Variants in XKR4 observed in about 807,000 individuals in gnomAD.
XKR4 encodes XK-related protein 4.
A neutral mutation model predicts 53.9 loss-of-function variants in XKR4; 12 were observed. That is an observed-to-expected ratio of 0.22 (90% CI 0.14 to 0.36). XKR4 has a LOEUF of 0.36. Ranked by LOEUF, XKR4 falls within the 10% of genes least tolerant of loss-of-function variation. XKR4 has a pLI of 1.00. For synonymous variants in XKR4, 354 were observed against 362.4 expected, an observed-to-expected ratio of 0.98 and a Z score of 0.26; for missense variants, 799 against 859.5, an observed-to-expected ratio of 0.93 and a Z score of 0.88.
chr8:55,212,825 T>C (rs1382982424), intron 1 of XKR4, among the ~76,000 whole-genome samples: 6 of 152,182 alleles, frequency 3.9e-5, no homozygotes, highest in African/African-American at 7.2e-5. Context: ...GACCAAATCG[T>C]TGGGTGGTGT....
intron 1 of XKR4, among the ~76,000 whole-genome samples, chr8:55,293,149 A>G (rs1401315723): frequency 6.6e-6 from 1 of 152,184 alleles, no homozygotes; most frequent in Non-Finnish European, 1.5e-5. Context: ...AGCCTGCTCA[A>G]CATGGTGAAA....
At chr8:55,284,041 G>C (rs1818874156) in intron 1 of XKR4, among the ~76,000 whole-genome samples, 1 of 152,168 alleles carries the variant, frequency 6.6e-6, no homozygotes, top group South Asian at 2.1e-4. Context: ...GGTGCAACAT[G>C]CCTTCTCTTC....
At chr8:55,215,821 T>TA (rs1433456598) in intron 1 of XKR4, among the ~76,000 whole-genome samples, 1 of 152,226 alleles carries the variant, frequency 6.6e-6, no homozygotes. Context: ...ATATTTCCTT[T>TA]AAAATCAACA....
At chr8:55,235,414 A>C (rs2129367474) in intron 1 of XKR4, among the ~76,000 whole-genome samples, 1 of 152,334 alleles carries the variant, frequency 6.6e-6, no homozygotes, top group East Asian at 1.9e-4. Context: ...TAAAATATGG[A>C]TGCAAAAAAT....
At chr8:55,454,766 C>G in intron 2 of XKR4, 1 of 780,504 alleles carries the variant, frequency 1.3e-6, no homozygotes, top group Non-Finnish European at 2.4e-6. Flanking sequence ...GACACAGGTA[C>G]CAGCGTCTTT....
At chr8:55,430,273 A>T (rs1484251543) in intron 2 of XKR4, among the ~76,000 whole-genome samples, 1 of 152,194 alleles carries the variant, frequency 6.6e-6, no homozygotes, top group South Asian at 2.1e-4. Flanking sequence ...TTAAAATAGC[A>T]TATGACCAAG....
chr8:55,137,037 C>T (rs1441027510), intron 1 of XKR4, among the ~76,000 whole-genome samples: 2 of 152,212 alleles, frequency 1.3e-5, no homozygotes, highest in Middle Eastern at 3.4e-3. Context: ...TCCAGAAAAC[C>T]GATAATGTTA....
At chr8:55,143,195 G>T (rs930672556) in intron 1 of XKR4, among the ~76,000 whole-genome samples, 4 of 152,110 alleles carry the variant, frequency 2.6e-5, no homozygotes, top group African/African-American at 9.7e-5. Context: ...TCCAATTTGG[G>T]CTGTTAAAAA....
intron 1 of XKR4, among the ~76,000 whole-genome samples, chr8:55,232,778 C>T (rs1818061915): frequency 6.6e-6 from 1 of 152,132 alleles, no homozygotes; most frequent in Non-Finnish European, 1.5e-5. Flanking sequence ...TTAGGTATTC[C>T]CACATTTCCA....
At chr8:55,359,126 G>C (rs139983559) in intron 2 of XKR4, among the ~76,000 whole-genome samples, 249 of 152,316 alleles carry the variant, frequency 1.6e-3, no homozygotes, top group African/African-American at 5.7e-3. Flanking sequence ...CAGCAAATTG[G>C]AGGAAGAGGA....
At chr8:55,404,589 C>T (rs532886468) in intron 2 of XKR4, among the ~76,000 whole-genome samples, 24 of 152,184 alleles carry the variant, frequency 1.6e-4, no homozygotes, top group East Asian at 7.7e-4. Context: ...TCATTCATCT[C>T]GCTAACCCAC....
chr8:55,179,286 ACATTC>A lies in XKR4; in HGVS notation c.806+75995_806+75999del, dbSNP rs200828836. On this transcript the variant is annotated intron_variant, in intron 1 of 2. Coordinates refer to ENST00000327381, the MANE Select transcript of XKR4 (RefSeq NM_052898.2). ...TCTGTCCAATGACAGGAGCATGACA[ACATTC>A]CACCTATTCATTCACTCACTCATCC... Among the ~76,000 whole-genome samples, 230 of 148,088 alleles carry A rather than the reference ACATTC, an allele frequency of 1.6e-3. 2 individuals are homozygous for A. Among genetic ancestry groups the A allele is most frequent in the African/African-American group, 5.8e-3 (219 of 37,692 alleles).
At chr8:55,137,449 G>C (rs1816646723) in intron 1 of XKR4, among the ~76,000 whole-genome samples, 1 of 152,028 alleles carries the variant, frequency 6.6e-6, no homozygotes, top group South Asian at 2.1e-4. Context: ...TTTCCTCAAG[G>C]TCTTTTAGGG....
intron 2 of XKR4, among the ~76,000 whole-genome samples, chr8:55,471,456 C>T (rs1309204217): frequency 2.6e-5 from 4 of 152,024 alleles, no homozygotes; most frequent in Non-Finnish European, 2.9e-5. Flanking sequence ...ATCTGAAACT[C>T]GGAGTTGGGG....
At chr8:55,196,230 G>A (rs1817505813) in intron 1 of XKR4, among the ~76,000 whole-genome samples, 1 of 144,220 alleles carries the variant, frequency 6.9e-6, no homozygotes, top group Admixed American at 7.3e-5. Flanking sequence ...TGCCCAGGCT[G>A]GAGTGCAATG....
chr8:55,324,297 C>T (rs1803261602), intron 1 of XKR4, among the ~76,000 whole-genome samples: 5 of 152,114 alleles, frequency 3.3e-5, no homozygotes, highest in Admixed American at 3.3e-4. Flanking sequence ...GGTCTTGCTA[C>T]ATTGTCCAGA....
chr8:55,318,371 T>C (rs1186183535), intron 1 of XKR4, among the ~76,000 whole-genome samples: 2 of 152,208 alleles, frequency 1.3e-5, no homozygotes, highest in Non-Finnish European at 2.9e-5. Context: ...TTTCTGTTCA[T>C]GTCAATGAGA....
rs558763738 is a variant in XKR4 at position 55,405,165 on chromosome 8, G to A, written c.1006+47288G>A. On this transcript the variant is annotated intron_variant, in intron 2 of 2. Transcript: ENST00000327381. The stretch of plus-strand genomic sequence containing the variant: ...CTCTCTTAACACCCGTCGGGCCAGA[G>A]GAGAAACCCTCCCATCCTCTGTGGA... 7.9e-5 allele frequency among the ~76,000 whole-genome samples: 12 copies of A among 152,320 alleles called. No individual in the cohort carries two copies. The South Asian group carries it at 2.3e-3, about 29-fold the overall frequency.
chr8:55,521,652 T>G (rs1806799668), intron 2 of XKR4, among the ~76,000 whole-genome samples: 1 of 152,230 alleles, frequency 6.6e-6, no homozygotes, highest in African/African-American at 2.4e-5. Flanking sequence ...GAGAAATGGC[T>G]CTTAGAAAAT....
Sources: gnomAD v4.1 joint callset for allele counts (sites outside exome capture counted in the v4.1 genomes callset) on GRCh38, gnomAD v4.1.1 for gene constraint, MANE v1.5 for transcripts, NCBI Gene and HGNC (gene_info 2026-07-23, HGNC 2026-07-21) for gene names.